Variants in MRO observed in about 807,000 individuals in gnomAD.
MRO encodes protein maestro.
Under a neutral mutation model 31.0 loss-of-function variants are expected in MRO, and 28 were observed. The observed-to-expected ratio is 0.90, with a 90% CI of 0.67 to 1.24. MRO has a LOEUF of 1.24. Among genes scored for constraint, MRO ranks in the 50% most tolerant of loss-of-function variants. The pLI, the probability that MRO is intolerant of heterozygous loss-of-function variation, is 0.00. For synonymous variants in MRO, 108 were observed against 108.4 expected (o/e 1.00, Z 0.02); for missense variants, 332 against 289.2 (o/e 1.15, Z -1.07).
upstream of MRO, among the ~76,000 whole-genome samples, chr18:50,822,467 T>A (rs1394025472): frequency 1.1e-4 from 16 of 151,984 alleles, no homozygotes; most frequent in Admixed American, 1.0e-3. Context: ...GCCTACCGAG[T>A]AGCGGGACTA....
chr18:50,816,824 C>T (rs958637189), intron 2 of MRO, among the ~76,000 whole-genome samples: 1 of 152,204 alleles, frequency 6.6e-6, no homozygotes, highest in Non-Finnish European at 1.5e-5. Flanking sequence ...TGAGGGCCCA[C>T]TCACCAAGGA....
intron 2 of MRO, among the ~76,000 whole-genome samples, chr18:50,818,272 C>T (rs1915103510): frequency 6.6e-6 from 1 of 152,114 alleles, no homozygotes; most frequent in South Asian, 2.1e-4. Flanking sequence ...CTATGGTCAC[C>T]ACATATGCCT....
intron 2 of MRO, among the ~76,000 whole-genome samples, chr18:50,819,260 A>T (rs935723163): frequency 7.9e-5 from 12 of 152,270 alleles, no homozygotes; most frequent in African/African-American, 2.6e-4. Flanking sequence ...ACGAGGGAAG[A>T]CAGACCGCAT....
rs1238041895 is a variant in MRO at position 50,795,506 on chromosome 18, A to G, written c.*3831T>C. Reference sequence around the variant, plus strand: ...TTATAACGTGTGAAGCGTTCCCCCAATTAAGTGGTCTATTAACTGGAAGTT... The same window carrying G: ...TTATAACGTGTGAAGCGTTCCCCCAGTTAAGTGGTCTATTAACTGGAAGTT... On this transcript the variant is annotated 3_prime_UTR_variant, in exon 8 of 8. Coordinates refer to ENST00000398439, the MANE Select transcript of MRO (RefSeq NM_031939.6). The G allele has an allele frequency of 6.6e-6, 1 of 152,140 alleles. No individual in the cohort carries two copies. Among genetic ancestry groups the G allele is most frequent in the Non-Finnish European group, 1.5e-5 (1 of 68,032 alleles). 9.4% of individuals were successfully genotyped at this position (152,140 alleles called of 1,614,324 possible).
chr18:50,824,831 T>G (rs1243717090), upstream of MRO, among the ~76,000 whole-genome samples: 1 of 149,500 alleles, frequency 6.7e-6, no homozygotes, highest in East Asian at 2.1e-4. Context: ...TCCCCACACT[T>G]TGGGAGGCCG....
intron 5 of MRO, 147 bp downstream of exon 5, chr18:50,805,007 G>A (rs1230602942): frequency 5.0e-6 from 3 of 602,552 alleles, no homozygotes; most frequent in South Asian, 1.9e-5. Context: ...GGCCAGGATG[G>A]TCTCGATCTC....
chr18:50,816,565 G>A (rs572473526), intron 2 of MRO, among the ~76,000 whole-genome samples: 2 of 152,276 alleles, frequency 1.3e-5, no homozygotes, highest in South Asian at 2.1e-4. Flanking sequence ...TTTTGCTAAC[G>A]TTAGCTGTAA....
In MRO at chr18:50,806,758, C is replaced by A. The variant is rs1190836571; in HGVS notation, c.192G>T (p.Lys64Asn). ...CCAAGTTTCTCATTGCCATGTGACG[C>A]TTTTTAGCACTGGGGTCCCGAGCTC... ...AERARDPSAKKRHMAMRNLGT... is the reference protein window; with the variant it reads ...AERARDPSAKNRHMAMRNLGT... Residue 64 changes from lysine to asparagine, a missense_variant, in exon 4 of 8, where the codon AAG becomes AAT. Physicochemically the swap from Lys to Asn is moderately conservative, Grantham distance 94. Transcript: ENST00000398439. 1.9e-6 allele frequency: 3 copies of A among 1,614,036 alleles called. No homozygotes were observed. In the African/African-American group the frequency reaches 4.0e-5, roughly 22 times the overall value.
chr18:50,821,100 A>C (rs1331912955), upstream of MRO, among the ~76,000 whole-genome samples: 1 of 152,234 alleles, frequency 6.6e-6, no homozygotes, highest in Non-Finnish European at 1.5e-5. Context: ...GAAAGCAATA[A>C]ATAGACTAGA....
At chr18:50,802,586 G>A (rs1599009874) in intron 5 of MRO, among the ~76,000 whole-genome samples, 1 of 152,092 alleles carries the variant, frequency 6.6e-6, no homozygotes, top group Admixed American at 6.6e-5. Flanking sequence ...CTTCACAGCG[G>A]GGAAGAAGCA....
upstream of MRO, among the ~76,000 whole-genome samples, chr18:50,823,021 C>T (rs967730681): frequency 6.6e-6 from 1 of 152,050 alleles, no homozygotes; most frequent in Admixed American, 6.6e-5. Context: ...TCGGGAAAAC[C>T]CTTTGTAGAG....
rs567060893 is a variant in MRO, at chr18:50,800,024, T to C, written c.693+12A>G. 9.7e-5 allele frequency: 155 copies of C among 1,593,716 alleles called. No individual in the cohort carries two copies. The Middle Eastern group carries it at 1.3e-3, about 14-fold the overall frequency. ...ACCGGAAAAGAATTCTCTCCTACCC[T>C]GGCTCACTCACCAGCTGCTGGTAGA... On this transcript the variant is annotated intron_variant, in intron 7 of 7. Transcript: ENST00000398439.
rs1912943273 is a variant in MRO at position 50,798,126 on chromosome 18, G to A, written c.*1211C>T. On this transcript the variant is annotated 3_prime_UTR_variant, in exon 8 of 8. Transcript: ENST00000398439. ...GATACTGAATTCAGGGGTGGTACCAGAGTTTCTATAGAAGCTTGGGATGCA... is the reference window on the plus strand; with the variant it reads ...GATACTGAATTCAGGGGTGGTACCAAAGTTTCTATAGAAGCTTGGGATGCA... The A allele has an allele frequency of 6.6e-6, 1 of 152,182 alleles. No individual in the cohort carries two copies. The highest frequency in any genetic ancestry group is 1.5e-5 in the Non-Finnish European group (1 of 68,040). 9.4% of individuals were successfully genotyped at this position (152,182 alleles called of 1,614,324 possible).
At chr18:50,814,317 T>C (rs2586772) in intron 2 of MRO, 119,214 of 151,920 alleles carry the variant, frequency 0.78, 47,209 homozygotes, top group South Asian at 0.87. Context: ...AAAGCTGTCA[T>C]CCGATTGCCC....
chr18:50,806,366 A>C (rs978617197), intron 4 of MRO, among the ~76,000 whole-genome samples: 1 of 152,198 alleles, frequency 6.6e-6, no homozygotes, highest in Non-Finnish European at 1.5e-5. Flanking sequence ...AGGCAAAAAA[A>C]CAGAAACCTC....
chr18:50,811,220 A>G (rs117569371), intron 2 of MRO, among the ~76,000 whole-genome samples: 7,286 of 152,226 alleles, frequency 0.048, 202 homozygotes, highest in Non-Finnish European at 0.06. Flanking sequence ...TAACCTGATG[A>G]TTTTCTTTTA....
chr18:50,820,182 T>C (rs1320264558), upstream of MRO: 1 of 590,506 alleles, frequency 1.7e-6, no homozygotes, highest in East Asian at 2.8e-5. Flanking sequence ...GCGCATTTAA[T>C]CTAAGGATGG....
chr18:50,809,462 T>C, intron 2 of MRO, 58 bp from the exon 3 acceptor site: 1 of 1,227,222 alleles, frequency 8.1e-7, no homozygotes, highest in Non-Finnish European at 1.2e-6. Context: ...TCAACAAACA[T>C]TGTTGTACAA....
upstream of MRO, chr18:50,820,117 C>T: frequency 1.5e-6 from 1 of 688,894 alleles, no homozygotes; most frequent in East Asian, 2.7e-5. Context: ...TTCCAGGCGA[C>T]CCCTGCACAA....
Sources: allele counts gnomAD v4.1 joint callset (sites outside exome capture counted in the v4.1 genomes callset), GRCh38; gene constraint gnomAD v4.1.1; transcripts MANE v1.5; gene names NCBI Gene and HGNC (gene_info 2026-07-23, HGNC 2026-07-21).